RNF125: variants seen among roughly 807,000 people sequenced by gnomAD.
The protein encoded by RNF125 is ring finger protein 125.
A neutral mutation model predicts 26.0 loss-of-function variants in RNF125; 21 were observed. That is an observed-to-expected ratio of 0.81 (90% CI 0.57 to 1.16). The LOEUF (loss-of-function observed/expected upper bound fraction) is 1.16, where lower values mean the gene tolerates loss of function less well. Ranked by LOEUF, RNF125 falls within the 50% of genes most tolerant of loss-of-function variation. The probability of loss-of-function intolerance (pLI) is 0.00; values close to 1 mark genes in which losing one functional copy is unlikely to be tolerated. For missense variants in RNF125, 270 were observed against 299.4 expected, an observed-to-expected ratio of 0.90 and a Z score of 0.72; for synonymous variants, 95 against 109.2, an observed-to-expected ratio of 0.87 and a Z score of 0.81.
chr18:32,041,658 T>G lies in RNF125; in HGVS notation c.319-521T>G, dbSNP rs2039219362. Among the ~76,000 whole-genome samples, 3 of 107,592 alleles carry G rather than the reference T, an allele frequency of 2.8e-5. No homozygotes were observed. The Admixed American group carries it at 4.0e-4, about 14-fold the overall frequency. The allele number at this position is 107,592 out of a possible 152,430, so 70.6% of individuals were successfully genotyped here. A position where few individuals can be genotyped will look rare whatever the true frequency, so the allele number is the denominator to read the frequency against. On this transcript the variant is annotated intron_variant, in intron 2 of 5. Coordinates refer to ENST00000217740, the MANE Select transcript of RNF125 (RefSeq NM_017831.4). ...TTTTTTTTTTTTTTTTGAGACGGAG[T>G]CTCGCTCTGTCGCCCAGGCTGGAGT...
At chr18:32,028,094 C>T (rs1224553266) in intron 1 of RNF125, among the ~76,000 whole-genome samples, 1 of 151,380 alleles carries the variant, frequency 6.6e-6, no homozygotes, top group African/African-American at 2.4e-5. Flanking sequence ...GTCAGGAGAT[C>T]GAGACCATCC....
At chr18:32,061,388 G>C (rs2039433979) in intron 4 of RNF125, among the ~76,000 whole-genome samples, 1 of 152,116 alleles carries the variant, frequency 6.6e-6, no homozygotes, top group African/African-American at 2.4e-5. Context: ...TATTGGTAGG[G>C]ACCAAGGTAA....
chr18:32,059,281 C>T (rs2039414206), intron 4 of RNF125, among the ~76,000 whole-genome samples: 2 of 152,146 alleles, frequency 1.3e-5, no homozygotes, highest in Admixed American at 1.3e-4. Flanking sequence ...TCGTCAGCAT[C>T]TGTTATTGTG....
At chr18:32,058,949 G>T (rs1373701211) in intron 4 of RNF125, among the ~76,000 whole-genome samples, 4 of 152,164 alleles carry the variant, frequency 2.6e-5, no homozygotes, top group African/African-American at 9.7e-5. Context: ...TGTTGCAAAT[G>T]ACAAAATCTC....
the RNF125 span, among the ~76,000 whole-genome samples, chr18:32,090,766 T>C: frequency 2.0e-5 from 3 of 152,218 alleles, no homozygotes; most frequent in Non-Finnish European, 2.9e-5. Flanking sequence ...AATGTCAACA[T>C]AGACAATAAA....
chr18:32,061,182 A>G (rs912182205), intron 4 of RNF125, among the ~76,000 whole-genome samples: 6 of 151,750 alleles, frequency 4.0e-5, no homozygotes, highest in South Asian at 4.2e-4. Context: ...CCGCCACCAC[A>G]CCCGGCTAAT....
At chr18:32,041,018 T>G (rs1206663548) in intron 2 of RNF125, among the ~76,000 whole-genome samples, 1 of 152,236 alleles carries the variant, frequency 6.6e-6, no homozygotes, top group Non-Finnish European at 1.5e-5. Context: ...AACTGTTTCC[T>G]TGACACGGCA....
chr18:32,028,656 C>T (rs1486134433), intron 1 of RNF125, among the ~76,000 whole-genome samples: 1 of 148,884 alleles, frequency 6.7e-6, no homozygotes, highest in East Asian at 2.0e-4. Flanking sequence ...GTGATCTCAG[C>T]TCACTGTAAC....
intron 4 of RNF125, among the ~76,000 whole-genome samples, chr18:32,055,589 C>T (rs112305066): frequency 6.6e-6 from 1 of 152,116 alleles, no homozygotes; most frequent in African/African-American, 2.4e-5. Flanking sequence ...CTTGTGAGAA[C>T]TCATTTTTAT....
intron 4 of RNF125, among the ~76,000 whole-genome samples, chr18:32,057,011 C>G (rs1458075183): frequency 6.6e-6 from 1 of 152,158 alleles, no homozygotes; most frequent in African/African-American, 2.4e-5. Context: ...TGTAGCCTCC[C>G]TCTCAAGGTG....
Position 32,068,425 on chromosome 18 carries a change from C to T in RNF125, c.*41C>T, listed in dbSNP as rs1344561039. On this transcript the variant is annotated 3_prime_UTR_variant, in exon 6 of 6. Coordinates refer to ENST00000217740, the MANE Select transcript of RNF125 (RefSeq NM_017831.4). ...GGGAAAAGGGACCACTGAATTGCAC[C>T]ATTTAAGATGCTGCTTGAACAAATG... 8.9e-7 allele frequency: 1 copy of T among 1,119,436 alleles called. No individual in the cohort carries two copies. The highest frequency in any genetic ancestry group is 1.4e-6 in the Non-Finnish European group (1 of 734,278). The allele number at this position is 1,119,436 out of a possible 1,614,324, so 69.3% of individuals were successfully genotyped here. A position where few individuals can be genotyped will look rare whatever the true frequency, so the allele number is the denominator to read the frequency against.
chr18:32,020,490 C>G (rs990613567), intron 1 of RNF125, among the ~76,000 whole-genome samples: 3 of 151,754 alleles, frequency 2.0e-5, no homozygotes, highest in Non-Finnish European at 4.4e-5. Context: ...GTGGCTTGTA[C>G]CAGCATTTGG....
At chr18:32,050,328 T>C (rs2039311366) in intron 4 of RNF125, among the ~76,000 whole-genome samples, 1 of 152,148 alleles carries the variant, frequency 6.6e-6, no homozygotes, top group African/African-American at 2.4e-5. Context: ...CTGCCATTTT[T>C]TAAAATTTGG....
At chr18:32,026,066 C>CTT (rs34424595) in intron 1 of RNF125, among the ~76,000 whole-genome samples, 1,653 of 132,164 alleles carry the variant, frequency 0.013, 13 homozygotes, top group African/African-American at 0.03. Context: ...TTAAAAAAAA[C>CTT]TTTTTTTTTT....
the RNF125 span, among the ~76,000 whole-genome samples, chr18:32,080,249 A>G: frequency 6.6e-6 from 1 of 152,070 alleles, no homozygotes; most frequent in African/African-American, 2.4e-5. Flanking sequence ...GGCTGGTCTC[A>G]AACTCCTGAC....
rs938758459 is a variant in RNF125 at position 32,071,310 on chromosome 18, T to C, written c.*2926T>C. The stretch of plus-strand genomic sequence containing the variant: ...CCACCACACCCGGCTAATTGTTGTA[T>C]TTTTAGTAGAGATGGGTTTTGCCAT... On this transcript the variant is annotated 3_prime_UTR_variant, in exon 6 of 6. Coordinates refer to ENST00000217740, the MANE Select transcript of RNF125 (RefSeq NM_017831.4). 1.3e-5 allele frequency: 2 copies of C among 152,180 alleles called. No individual in the cohort carries two copies. The highest frequency in any genetic ancestry group is 4.8e-5 in the African/African-American group (2 of 41,416). The allele number at this position is 152,180 out of a possible 1,614,324, so 9.4% of individuals were successfully genotyped here. A position where few individuals can be genotyped will look rare whatever the true frequency, so the allele number is the denominator to read the frequency against.
chr18:32,039,585 T>G (rs2039195802), intron 2 of RNF125, among the ~76,000 whole-genome samples: 1 of 152,180 alleles, frequency 6.6e-6, no homozygotes, highest in South Asian at 2.1e-4. Context: ...TGCCTATTTT[T>G]ACTTTGTCTT....
At chr18:32,025,676 AAAAAAAAAAAAAG>A (rs1460637448) in intron 1 of RNF125, among the ~76,000 whole-genome samples, 2 of 148,478 alleles carry the variant, frequency 1.3e-5, no homozygotes, top group African/African-American at 5.0e-5. Flanking sequence ...AAAAAAAAAA[AAAAAAAAAAAAAG>A]AAGACAGAGG....
At chr18:32,063,685 A>G (rs2039455721) in intron 4 of RNF125, among the ~76,000 whole-genome samples, 1 of 152,200 alleles carries the variant, frequency 6.6e-6, no homozygotes, top group South Asian at 2.1e-4. Flanking sequence ...TGCCCTTTAC[A>G]AAATAAATGG....
Sources: gnomAD v4.1 joint callset for allele counts (sites outside exome capture counted in the v4.1 genomes callset) on GRCh38, gnomAD v4.1.1 for gene constraint, MANE v1.5 for transcripts, NCBI Gene and HGNC (gene_info 2026-07-23, HGNC 2026-07-21) for gene names.